PMPCB: variants seen among roughly 807,000 people sequenced by gnomAD.
The protein encoded by PMPCB is peptidase, mitochondrial processing subunit beta, also known as mitochondrial-processing peptidase subunit beta.
PMPCB carries 46 observed loss-of-function variants against 61.5 expected under a neutral mutation model. The ratio of observed to expected loss-of-function variants is 0.75; its 90% CI spans 0.59 to 0.96. The LOEUF (loss-of-function observed/expected upper bound fraction) is 0.96, where lower values mean the gene tolerates loss of function less well. PMPCB is among the 40% of genes least tolerant of loss of function. The pLI is 0.00. For missense variants in PMPCB, 590 were observed against 602.4 expected, an observed-to-expected ratio of 0.98 and a Z score of 0.22; for synonymous variants, 191 against 201.6, an observed-to-expected ratio of 0.95 and a Z score of 0.44.
intron 12 of PMPCB, among the ~76,000 whole-genome samples, chr7:103,328,482 C>T (rs189013175): frequency 1.3e-4 from 20 of 151,808 alleles, no homozygotes; most frequent in African/African-American, 4.8e-4. Context: ...AATACAAAAA[C>T]TAGCTGGGCG....
chr7:103,322,607 C>A, intron 12 of PMPCB: 3 of 1,612,364 alleles, frequency 1.9e-6, no homozygotes, highest in Non-Finnish European at 2.5e-6. Context: ...ACTTTTTTAT[C>A]CTTGGATCAC....
At chr7:103,321,977 T>C (rs1586080657) in intron 12 of PMPCB, 2 of 1,614,048 alleles carry the variant, frequency 1.2e-6, no homozygotes, top group Non-Finnish European at 1.7e-6. Context: ...TAATGGCTTT[T>C]TTCTGGATAT....
Position 103,314,340 on chromosome 7 carries a change from A to G in PMPCB, c.*2069A>G. 3.0e-6 allele frequency: 3 copies of G among 985,442 alleles called. No homozygotes were observed. Among genetic ancestry groups the G allele is most frequent in the Non-Finnish European group, 3.6e-6 (3 of 829,918 alleles). 61.0% of individuals were successfully genotyped at this position (985,442 alleles called of 1,614,324 possible). On this transcript the variant is annotated 3_prime_UTR_variant, in exon 13 of 13. Transcript: ENST00000249269. ...AAATCACTATTCAAAAAATGGTGCCAGCTTGCTGTTTAATGGTACAACTGA... is the reference window on the plus strand; with the variant it reads ...AAATCACTATTCAAAAAATGGTGCCGGCTTGCTGTTTAATGGTACAACTGA...
the PMPCB span, among the ~76,000 whole-genome samples, chr7:103,341,326 A>G: frequency 2.0e-4 from 31 of 152,206 alleles, no homozygotes; most frequent in Admixed American, 8.5e-4. Context: ...TTAGCATGGT[A>G]TAAAAAGGAC....
chr7:103,337,604 T>C, the PMPCB span: 1 of 711,442 alleles, frequency 1.4e-6, no homozygotes, highest in Non-Finnish European at 2.3e-6. Flanking sequence ...TTTTTGCTTG[T>C]TATGACAATA....
chr7:103,307,287 A>G (rs1817616718), intron 6 of PMPCB, among the ~76,000 whole-genome samples: 1 of 152,190 alleles, frequency 6.6e-6, no homozygotes, highest in African/African-American at 2.4e-5. Context: ...TTTGGATCCC[A>G]GAGGTTTTTA....
chr7:103,311,363 T>G, intron 9 of PMPCB: 1 of 443,954 alleles, frequency 2.3e-6, no homozygotes. Flanking sequence ...CTCCAACAGA[T>G]GAGGACTCAT....
At chr7:103,343,986 C>T in the PMPCB span, among the ~76,000 whole-genome samples, 3 of 152,202 alleles carry the variant, frequency 2.0e-5, no homozygotes, top group African/African-American at 7.2e-5. Flanking sequence ...TGTCCTGGGC[C>T]ATAAAACTAA....
chr7:103,322,434 AAAAG>A (rs1019902103), intron 12 of PMPCB: 1 of 1,311,818 alleles, frequency 7.6e-7, no homozygotes, highest in Non-Finnish European at 1.0e-6. Flanking sequence ...TTTTTTTAAA[AAAAG>A]ATGTGAAGAT....
At chr7:103,316,006 T>C (rs1818031774), downstream of PMPCB, 2 of 1,598,492 alleles carry the variant, frequency 1.3e-6, no homozygotes, top group African/African-American at 1.3e-5. Context: ...TGGAGACTCT[T>C]TGCTTTGCCA....
intron 3 of PMPCB, 107 bp downstream of exon 3, chr7:103,299,636 A>G: frequency 1.6e-6 from 1 of 616,108 alleles, no homozygotes; most frequent in Admixed American, 3.2e-5. Context: ...AACATGTTTT[A>G]TGTTTATTTT....
chr7:103,346,337 T>G, the PMPCB span, among the ~76,000 whole-genome samples: 1 of 152,186 alleles, frequency 6.6e-6, no homozygotes, highest in Admixed American at 6.5e-5. Context: ...TTAGCCATGT[T>G]GGCCAGGCTG....
downstream of PMPCB, among the ~76,000 whole-genome samples, chr7:103,331,286 A>G (rs561600353): frequency 1.3e-5 from 2 of 152,240 alleles, no homozygotes; most frequent in Admixed American, 6.5e-5. Context: ...TGATACATGC[A>G]TAAACCACGT....
At chr7:103,329,078 G>A in exon 13 of PMPCB, 1 of 962,530 alleles carries the variant, frequency 1.0e-6, no homozygotes, top group Non-Finnish European at 1.4e-6. Context: ...GATTATCGCT[G>A]GTGGTCAACA....
chr7:103,333,706 A>G (rs1309574629), downstream of PMPCB, among the ~76,000 whole-genome samples: 3 of 152,136 alleles, frequency 2.0e-5, no homozygotes, highest in African/African-American at 7.2e-5. Context: ...GATGCCTGTC[A>G]CCACTTTTGC....
intron 12 of PMPCB, among the ~76,000 whole-genome samples, chr7:103,324,079 G>A (rs1193049240): frequency 6.6e-6 from 1 of 152,074 alleles, no homozygotes; most frequent in African/African-American, 2.4e-5. Flanking sequence ...TTATGTTTTT[G>A]TATTTACTAG....
chr7:103,344,280 G>T, the PMPCB span: 10 of 522,482 alleles, frequency 1.9e-5, no homozygotes, highest in Non-Finnish European at 3.4e-5. Flanking sequence ...GGTGCTGGGG[G>T]GTTCCGTCCC....
rs1817363876 is a variant in PMPCB at position 103,298,725 on chromosome 7, A to G, written c.240+17A>G. 22 of 1,609,856 alleles carry G rather than the reference A, an allele frequency of 1.4e-5. No individual in the cohort carries two copies. The highest frequency in any genetic ancestry group is 1.9e-5 in the Non-Finnish European group (22 of 1,177,964). ...ACATGCACAGTAAGTGACTCAGGCA[A>G]CCTTCTCTAAGTGACCCTTCATTTA... On this transcript the variant is annotated intron_variant, in intron 2 of 12. Coordinates refer to ENST00000249269, the MANE Select transcript of PMPCB (RefSeq NM_004279.3).
chr7:103,301,804 T>A lies in PMPCB; in HGVS notation c.457+1497T>A, dbSNP rs146260806. ...TCACTTATTCTTTTTTTTTAATTTTTATTTTTTATTATTATACTTTAAGTT... is the reference window on the plus strand; with the variant it reads ...TCACTTATTCTTTTTTTTTAATTTTAATTTTTTATTATTATACTTTAAGTT... On this transcript the variant is annotated intron_variant, in intron 4 of 12. Coordinates refer to ENST00000249269, the MANE Select transcript of PMPCB (RefSeq NM_004279.3). Among the ~76,000 whole-genome samples the A allele has an allele frequency of 3.8e-3, 576 of 152,220 alleles. 4 individuals carry two copies. Among genetic ancestry groups the A allele is most frequent in the African/African-American group, 0.014 (563 of 41,484 alleles).
Sources: gnomAD v4.1 joint callset for allele counts (sites outside exome capture counted in the v4.1 genomes callset) on GRCh38, gnomAD v4.1.1 for gene constraint, MANE v1.5 for transcripts, NCBI Gene and HGNC (gene_info 2026-07-23, HGNC 2026-07-21) for gene names.